Variants in DYRK1A observed in about 807,000 individuals in gnomAD.
DYRK1A encodes the protein dual specificity tyrosine phosphorylation regulated kinase 1A.
Under a neutral mutation model 79.7 loss-of-function variants are expected in DYRK1A, and 9 were observed. That is an observed-to-expected ratio of 0.11 (90% CI 0.07 to 0.20). DYRK1A has a LOEUF of 0.20. DYRK1A is among the 10% of genes least tolerant of loss of function. The pLI is 1.00. For missense variants in DYRK1A, 622 were observed against 956.0 expected (o/e 0.65, Z 4.61); for synonymous variants, 349 against 329.7 (o/e 1.06, Z -0.63).
chr21:37,490,556 T>A, intron 7 of DYRK1A, 95 bp downstream of exon 7: 1 of 1,103,952 alleles, frequency 9.1e-7, no homozygotes, highest in Non-Finnish European at 1.2e-6. Flanking sequence ...GTAATTGCGG[T>A]TTTCGCCATT....
intron 2 of DYRK1A, among the ~76,000 whole-genome samples, chr21:37,448,681 T>C (rs2051348971): frequency 1.3e-5 from 2 of 152,160 alleles, no homozygotes; most frequent in South Asian, 4.1e-4. Context: ...ATAAAACAAG[T>C]ATTTAAAATT....
intron 2 of DYRK1A, among the ~76,000 whole-genome samples, chr21:37,463,469 C>T (rs2051920842): frequency 6.6e-6 from 1 of 152,168 alleles, no homozygotes. Context: ...TAGCTGTAGC[C>T]TGTGCTATAA....
chr21:37,451,139 A>AGT, intron 2 of DYRK1A, among the ~76,000 whole-genome samples: 1 of 152,362 alleles, frequency 6.6e-6, no homozygotes, highest in South Asian at 2.1e-4. Flanking sequence ...ACAGTTGTGC[A>AGT]GTGTTTTAAG....
At chr21:37,470,178 AG>A (rs2052174056) in intron 2 of DYRK1A, among the ~76,000 whole-genome samples, 1 of 152,082 alleles carries the variant, frequency 6.6e-6, no homozygotes, top group South Asian at 2.1e-4. Context: ...CGGGTTTTGG[AG>A]GTCAGGATAG....
chr21:37,506,324 A>G lies in DYRK1A; in HGVS notation c.1644+101A>G, dbSNP rs188763724. On this transcript the variant is annotated intron_variant, in intron 11 of 11. Transcript: ENST00000647188. ...TTAGAATGACCGTATCATTTACCCTAGAGGTTCATGACGTTCCTGTCTAAG... is the reference window on the plus strand; with the variant it reads ...TTAGAATGACCGTATCATTTACCCTGGAGGTTCATGACGTTCCTGTCTAAG... 173 of 1,606,598 alleles carry G rather than the reference A, an allele frequency of 1.1e-4. No individual in the cohort carries two copies. The African/African-American group carries it at 1.9e-3, about 18-fold the overall frequency.
chr21:37,390,711 G>T (rs1480704770), intron 1 of DYRK1A, among the ~76,000 whole-genome samples: 1 of 152,170 alleles, frequency 6.6e-6, no homozygotes, highest in Admixed American at 6.5e-5. Flanking sequence ...TGGGATTATA[G>T]GTGCCTGTCA....
chr21:37,464,304 GTTA>G (rs766869723), intron 2 of DYRK1A: 8 of 502,048 alleles, frequency 1.6e-5, no homozygotes, highest in East Asian at 5.7e-5. Flanking sequence ...ATGGTCTCTA[GTTA>G]TTATAGTTCC....
chr21:37,510,293 A>G (rs2053713240), intron 11 of DYRK1A, among the ~76,000 whole-genome samples: 1 of 152,206 alleles, frequency 6.6e-6, no homozygotes, highest in African/African-American at 2.4e-5. Flanking sequence ...TAAAAACCAT[A>G]TAGTATTTTC....
In DYRK1A at chr21:37,466,921, A is replaced by G. The variant is rs530130538; in HGVS notation, c.11-5763A>G. On this transcript the variant is annotated intron_variant, in intron 2 of 11. Transcript: ENST00000647188. ...GTTGAGGTGAAGAGGATATCACAAA[A>G]GCTTATGAGAAGATATTATAAAAAC... Among the ~76,000 whole-genome samples, 23 of 152,234 alleles carry G rather than the reference A, an allele frequency of 1.5e-4. No individual in the cohort carries two copies. The South Asian group carries it at 4.8e-3, about 32-fold the overall frequency.
At chr21:37,501,586 T>G (rs1986926931) in intron 9 of DYRK1A, 1 of 152,254 alleles carries the variant, frequency 6.6e-6, no homozygotes, top group East Asian at 1.9e-4. Context: ...CTAGATGTCT[T>G]ATTGAGTTCT....
At chr21:37,478,968 A>T (rs942551251) in intron 4 of DYRK1A, among the ~76,000 whole-genome samples, 3 of 152,150 alleles carry the variant, frequency 2.0e-5, no homozygotes, top group Non-Finnish European at 4.4e-5. Flanking sequence ...CTTCATTGCC[A>T]TTTGCTTGTG....
intron 1 of DYRK1A, among the ~76,000 whole-genome samples, chr21:37,417,790 G>C (rs1376761774): frequency 6.6e-6 from 1 of 151,980 alleles, no homozygotes; most frequent in Non-Finnish European, 1.5e-5. Context: ...AACCATGTAA[G>C]CTCGGTTCCT....
chr21:37,443,488 T>C (rs1569326433), intron 2 of DYRK1A, among the ~76,000 whole-genome samples: 2 of 152,206 alleles, frequency 1.3e-5, no homozygotes, highest in South Asian at 2.1e-4. Flanking sequence ...CCGAGTATTT[T>C]TGTATTTCTT....
At chr21:37,400,485 C>T (rs534967909) in intron 1 of DYRK1A, among the ~76,000 whole-genome samples, 7 of 152,276 alleles carry the variant, frequency 4.6e-5, no homozygotes, top group African/African-American at 9.6e-5. Context: ...AGTATACTTC[C>T]AGCTATAATA....
intron 1 of DYRK1A, among the ~76,000 whole-genome samples, chr21:37,377,355 G>A (rs746009393): frequency 2.6e-5 from 4 of 152,096 alleles, no homozygotes; most frequent in Admixed American, 1.3e-4. Context: ...TCCTGACCTC[G>A]TGATCCGCTT....
intron 11 of DYRK1A, among the ~76,000 whole-genome samples, chr21:37,506,818 G>C (rs1183380506): frequency 6.6e-6 from 1 of 152,234 alleles, no homozygotes; most frequent in Non-Finnish European, 1.5e-5. Context: ...AGTTTTGCGT[G>C]ATGGTGTTTG....
chr21:37,374,741 G>A (rs2049503157), intron 1 of DYRK1A, among the ~76,000 whole-genome samples: 1 of 152,058 alleles, frequency 6.6e-6, no homozygotes, highest in Admixed American at 6.6e-5. Flanking sequence ...TTTTAGTAGA[G>A]ACGGGGTTTC....
At chr21:37,454,036 T>TG (rs1215130489) in intron 2 of DYRK1A, among the ~76,000 whole-genome samples, 2 of 150,282 alleles carry the variant, frequency 1.3e-5, no homozygotes, top group Admixed American at 1.3e-4. Context: ...TTTACATACT[T>TG]GAGTCCTCAA....
At chr21:37,453,341 T>C (rs1446295397) in intron 2 of DYRK1A, among the ~76,000 whole-genome samples, 2 of 152,216 alleles carry the variant, frequency 1.3e-5, no homozygotes, top group East Asian at 1.9e-4. Flanking sequence ...GTTGACTGCA[T>C]TGGACGGTGC....
Sources: allele counts gnomAD v4.1 joint callset (sites outside exome capture counted in the v4.1 genomes callset), GRCh38; gene constraint gnomAD v4.1.1; transcripts MANE v1.5; gene names NCBI Gene and HGNC (gene_info 2026-07-23, HGNC 2026-07-21).